TMEM131: variants seen among roughly 807,000 people sequenced by gnomAD.
TMEM131 encodes transmembrane protein 131.
Under a neutral mutation model 211.6 loss-of-function variants are expected in TMEM131, and 66 were observed. The ratio of observed to expected loss-of-function variants is 0.31; its 90% CI spans 0.26 to 0.38. The LOEUF is 0.38. Among genes scored for constraint, TMEM131 ranks in the 10% least tolerant of loss-of-function variants. The pLI is 1.00. For missense variants in TMEM131, 2,036 were observed against 2,299.3 expected (o/e 0.89, Z 2.34); for synonymous variants, 844 against 841.3 (o/e 1.00, Z -0.06).
At chr2:97,961,182 A>G (rs537954793) in intron 1 of TMEM131, among the ~76,000 whole-genome samples, 1 of 152,238 alleles carries the variant, frequency 6.6e-6, no homozygotes, top group African/African-American at 2.4e-5. Context: ...TATAGCACGT[A>G]AAGTTAATAA....
intron 6 of TMEM131, among the ~76,000 whole-genome samples, chr2:97,842,555 CA>C (rs1428532718): frequency 6.6e-6 from 1 of 151,650 alleles, no homozygotes; most frequent in East Asian, 1.9e-4. Flanking sequence ...GAGTAACAGA[CA>C]GTGTTGGGGG....
chr2:97,956,306 A>G (rs111380259), intron 1 of TMEM131, among the ~76,000 whole-genome samples: 3 of 152,240 alleles, frequency 2.0e-5, no homozygotes, highest in Admixed American at 6.5e-5. Context: ...CCACAAGCCA[A>G]AAAGTGCCAA....
At chr2:97,846,100 G>A (rs1683416324) in intron 5 of TMEM131, among the ~76,000 whole-genome samples, 1 of 152,126 alleles carries the variant, frequency 6.6e-6, no homozygotes, top group Non-Finnish European at 1.5e-5. Flanking sequence ...AGAAAAGCCC[G>A]AGCTTAAATG....
intron 1 of TMEM131, among the ~76,000 whole-genome samples, chr2:97,968,393 C>T (rs538799092): frequency 3.3e-5 from 5 of 152,108 alleles, no homozygotes; most frequent in African/African-American, 1.2e-4. Flanking sequence ...GAACTTCGGA[C>T]GTAAACATGG....
intron 1 of TMEM131, among the ~76,000 whole-genome samples, chr2:97,979,907 T>C (rs1294174838): frequency 6.6e-6 from 1 of 152,238 alleles, no homozygotes; most frequent in African/African-American, 2.4e-5. Context: ...AGCTTAATCA[T>C]ATCTAGCTTT....
chr2:97,847,590 A>G (rs941067554), intron 5 of TMEM131, among the ~76,000 whole-genome samples: 1 of 152,222 alleles, frequency 6.6e-6, no homozygotes, highest in African/African-American at 2.4e-5. Flanking sequence ...ATTAGATGTT[A>G]GTTCTCCTGA....
intron 5 of TMEM131, among the ~76,000 whole-genome samples, chr2:97,852,161 CTTTTT>C (rs35113797): frequency 7.0e-5 from 9 of 129,326 alleles, no homozygotes; most frequent in Admixed American, 1.5e-4. Context: ...ACGGCATTCT[CTTTTT>C]TTTTTTTTTT....
chr2:97,821,657 C>T (rs563799550), intron 11 of TMEM131, among the ~76,000 whole-genome samples: 7 of 152,280 alleles, frequency 4.6e-5, no homozygotes, highest in Admixed American at 3.3e-4. Context: ...TTTTGGTGAC[C>T]AGGAAGGGAC....
chr2:97,787,275 A>T (rs752165961), intron 31 of TMEM131, among the ~76,000 whole-genome samples: 15 of 152,228 alleles, frequency 9.9e-5, no homozygotes, highest in Non-Finnish European at 1.8e-4. Context: ...AGTCTGAGCT[A>T]GTTAGTTGCC....
intron 5 of TMEM131, among the ~76,000 whole-genome samples, chr2:97,844,860 T>C (rs1344601080): frequency 6.6e-6 from 1 of 152,116 alleles, no homozygotes; most frequent in Non-Finnish European, 1.5e-5. Context: ...GAGACTGAAA[T>C]TGCGGTTCTG....
At chr2:97,855,699 CAA>C (rs36041076) in intron 5 of TMEM131, among the ~76,000 whole-genome samples, 118 of 121,024 alleles carry the variant, frequency 9.8e-4, no homozygotes, top group Middle Eastern at 4.3e-3. Flanking sequence ...GACCCTGTCT[CAA>C]AAAAAAAAAA....
At chr2:97,831,058 G>A (rs115828969) in intron 11 of TMEM131, among the ~76,000 whole-genome samples, 4,541 of 152,244 alleles carry the variant, frequency 0.03, 87 homozygotes, top group Middle Eastern at 0.065. Flanking sequence ...CAGTTTCCAC[G>A]GTAGGTGGGC....
chr2:97,848,623 T>A (rs1194088518), intron 5 of TMEM131, among the ~76,000 whole-genome samples: 3 of 151,940 alleles, frequency 2.0e-5, no homozygotes, highest in Admixed American at 2.0e-4. Flanking sequence ...ACAGAAGCAC[T>A]ATTTTTTTTT....
chr2:97,986,565 T>G (rs1680036719), intron 1 of TMEM131, among the ~76,000 whole-genome samples: 1 of 152,014 alleles, frequency 6.6e-6, no homozygotes, highest in South Asian at 2.1e-4. Context: ...TCAAAACAAT[T>G]CTCAGTAACC....
Position 97,923,840 on chromosome 2 carries a change from G to A in TMEM131, c.249+3586C>T, listed in dbSNP as rs571987729. Among the ~76,000 whole-genome samples the A allele has an allele frequency of 1.9e-4, 29 of 152,158 alleles. No individual in the cohort carries two copies. In the East Asian group the frequency reaches 4.3e-3, roughly 22 times the overall value. On this transcript the variant is annotated intron_variant, in intron 2 of 40. Transcript: ENST00000186436. ...GCAGTGGCCTAATCCCCGCACTTGG[G>A]GAGGCTGAGGCGGGTGGATCACGAG... is the stretch of plus-strand genomic sequence containing the variant.
chr2:97,900,678 G>T (rs762164200), intron 3 of TMEM131, among the ~76,000 whole-genome samples: 47 of 152,004 alleles, frequency 3.1e-4, no homozygotes, highest in Admixed American at 6.6e-4. Flanking sequence ...ATGAACATGA[G>T]AATGCAGCTA....
At chr2:97,949,837 A>AAC (rs1553618845) in intron 1 of TMEM131, among the ~76,000 whole-genome samples, 1 of 150,770 alleles carries the variant, frequency 6.6e-6, no homozygotes, top group African/African-American at 2.5e-5. Flanking sequence ...AAAAAAAAAA[A>AAC]AAGTCAGTAT....
At chr2:97,949,590 G>A (rs1340544678) in intron 1 of TMEM131, among the ~76,000 whole-genome samples, 1 of 151,954 alleles carries the variant, frequency 6.6e-6, no homozygotes, top group Non-Finnish European at 1.5e-5. Context: ...CGAGGCGGGT[G>A]GATCACAAGG....
At chr2:97,972,286 T>C (rs1679330874) in intron 1 of TMEM131, among the ~76,000 whole-genome samples, 1 of 151,988 alleles carries the variant, frequency 6.6e-6, no homozygotes, top group Non-Finnish European at 1.5e-5. Flanking sequence ...CTGTGGGGAA[T>C]AATCAGTCCA....
Sources: gnomAD v4.1 joint callset for allele counts (sites outside exome capture counted in the v4.1 genomes callset) on GRCh38, gnomAD v4.1.1 for gene constraint, MANE v1.5 for transcripts, NCBI Gene and HGNC (gene_info 2026-07-23, HGNC 2026-07-21) for gene names.